Variants in CACNA1D observed in about 807,000 individuals in gnomAD.
CACNA1D encodes the protein voltage-dependent L-type calcium channel subunit alpha-1D.
Under a neutral mutation model 257.1 loss-of-function variants are expected in CACNA1D, and 55 were observed. The ratio of observed to expected loss-of-function variants is 0.21; its 90% CI spans 0.17 to 0.27. The LOEUF (loss-of-function observed/expected upper bound fraction) is 0.27, where lower values mean the gene tolerates loss of function less well. Ranked by LOEUF, CACNA1D falls within the 10% of genes least tolerant of loss-of-function variation. The probability of loss-of-function intolerance (pLI) is 1.00; values close to 1 mark genes in which losing one functional copy is unlikely to be tolerated. For synonymous variants in CACNA1D, 980 were observed against 1,014.9 expected, an observed-to-expected ratio of 0.97 and a Z score of 0.65; for missense variants, 1,876 against 2,784.0, an observed-to-expected ratio of 0.67 and a Z score of 7.34.
rs1412107314 is a variant in CACNA1D at position 53,812,216 on chromosome 3, G to GTAAT, written c.*813_*816dup. The stretch of plus-strand genomic sequence containing the variant: ...TTTGTAAAGAGATGGTCTATATTTT[G>GTAAT]TAATTACTGTATTGTATTTGAACTG... On this transcript the variant is annotated 3_prime_UTR_variant, in exon 48 of 48. Transcript: ENST00000350061. 1 of 152,136 alleles carries GTAAT rather than the reference G, an allele frequency of 6.6e-6. No individual in the cohort carries two copies. The highest frequency in any genetic ancestry group is 2.4e-5 in the African/African-American group (1 of 41,422). 9.4% of individuals were successfully genotyped at this position (152,136 alleles called of 1,614,324 possible). A position where few individuals can be genotyped will look rare whatever the true frequency, so the allele number is the denominator to read the frequency against.
Position 53,781,572 on chromosome 3 carries a change from T to C in CACNA1D, c.4697T>C (p.Leu1566Pro), listed in dbSNP as rs2095425594. The change falls in exon 39 of 48, where the codon CTG becomes CCG. Residue 1566 changes from leucine to proline, a missense_variant. Coordinates refer to ENST00000350061, the MANE Select transcript of CACNA1D (RefSeq NM_001128840.3). ...TALKIKTEGN[L>P]EQANEELRAV... The stretch of plus-strand genomic sequence containing the variant: ...TTTTGTTTTTTGAATCCAGGGAACC[T>C]GGAGCAAGCTAATGAAGAACTTCGG... 1.9e-6 allele frequency: 3 copies of C among 1,611,952 alleles called. No homozygotes were observed. Among genetic ancestry groups the C allele is most frequent in the African/African-American group, 1.3e-5 (1 of 74,884 alleles).
intron 40 of CACNA1D, among the ~76,000 whole-genome samples, chr3:53,790,239 T>A (rs901664096): frequency 6.6e-5 from 10 of 152,204 alleles, no homozygotes; most frequent in African/African-American, 2.4e-4. Context: ...CATGCAGCCA[T>A]GAAAATTCTC....
rs1486382310 is a variant in CACNA1D, at chr3:53,800,225, G to A, written c.4924-24G>A. The A allele has an allele frequency of 6.5e-7, 1 of 1,541,652 alleles. No individual in the cohort carries two copies. Among genetic ancestry groups the A allele is most frequent in the Admixed American group, 1.7e-5 (1 of 59,924 alleles). ...CCAGGGCCCATGTGTGGTCTAACCTGTTCTGCCATTTTCATTGATCTAGGC... is the reference window on the plus strand; with the variant it reads ...CCAGGGCCCATGTGTGGTCTAACCTATTCTGCCATTTTCATTGATCTAGGC... On this transcript the variant is annotated intron_variant, in intron 40 of 47. Transcript: ENST00000350061. The surrounding 1 kb of genome is among the most constrained non-coding windows in gnomAD (Gnocchi z 4.3).
chr3:53,564,540 G>C lies in CACNA1D; in HGVS notation c.483+62820G>C, dbSNP rs944127152. 2.0e-5 allele frequency among the ~76,000 whole-genome samples: 3 copies of C among 152,034 alleles called. No individual in the cohort carries two copies. In the South Asian group the frequency reaches 6.2e-4, roughly 32 times the overall value. ...TAGAAATGTTTTTTCCTTCTTTGTG[G>C]CTTGTCCTTTTGATCTCTTTTTGGT... is the stretch of plus-strand genomic sequence containing the variant. On this transcript the variant is annotated intron_variant, in intron 3 of 47. Transcript: ENST00000350061.
chr3:53,579,044 C>T (rs560128227), intron 3 of CACNA1D, among the ~76,000 whole-genome samples: 162 of 152,198 alleles, frequency 1.1e-3, no homozygotes, highest in African/African-American at 3.3e-3. Flanking sequence ...GAGCAGCAGG[C>T]GGAGGAGGAG....
chr3:53,759,594 G>A lies in CACNA1D; in HGVS notation c.3787-2404G>A, dbSNP rs189758865. Among the ~76,000 whole-genome samples, 748 of 152,336 alleles carry A rather than the reference G, an allele frequency of 4.9e-3. 12 individuals are homozygous for A. The highest frequency in any genetic ancestry group is 6.2e-3 in the Non-Finnish European group (425 of 68,018). On this transcript the variant is annotated intron_variant, in intron 29 of 47. Coordinates refer to ENST00000350061, the MANE Select transcript of CACNA1D (RefSeq NM_001128840.3). ...ATCAAGGTGTAAATTCCTTCCTAGA[G>A]GGGAGGGGAAGGATCACTGTGCTTT...
chr3:53,773,019 T>G (rs1190876980), intron 33 of CACNA1D, 121 bp downstream of exon 33: 1 of 852,018 alleles, frequency 1.2e-6, no homozygotes, highest in Non-Finnish European at 2.0e-6. Context: ...ATGCCTCTGC[T>G]GAAGCCTAGG....
intron 3 of CACNA1D, among the ~76,000 whole-genome samples, chr3:53,598,943 G>T (rs2093406692): frequency 6.6e-6 from 1 of 152,016 alleles, no homozygotes; most frequent in African/African-American, 2.4e-5. Context: ...TTGAGGTCAT[G>T]AGCAAATTAA....
At chr3:53,567,636 A>C (rs1433364579) in intron 3 of CACNA1D, among the ~76,000 whole-genome samples, 1 of 152,256 alleles carries the variant, frequency 6.6e-6, no homozygotes, top group East Asian at 1.9e-4. Flanking sequence ...GATGAAGAGC[A>C]GACAACATAG....
intron 3 of CACNA1D, among the ~76,000 whole-genome samples, chr3:53,636,460 C>T (rs1204497297): frequency 2.0e-5 from 3 of 152,078 alleles, no homozygotes; most frequent in South Asian, 2.1e-4. Flanking sequence ...TGCGCCACCA[C>T]GCCCGGCTAA....
rs1326615724 is a variant in CACNA1D, at chr3:53,770,540, T to G, written c.4032T>G (p.Ile1344Met). ...TCCGGACATTGCTGTGGACTTTTAT[T>G]AAGTCCTTTCAGGTAAGAGCCATGC... ...EGIRTLLWTF[I>M]KSFQALPYVA... Residue 1344 changes from isoleucine to methionine, a missense_variant, in exon 32 of 48, where the codon ATT (isoleucine) becomes ATG (methionine). Physicochemically the swap from Ile to Met is conservative, Grantham distance 10. Around this residue, in one of 10 missense-constraint regions of CACNA1D, gnomAD observed 204 missense variants for 309.4 expected, o/e 0.66. Coordinates refer to ENST00000350061, the MANE Select transcript of CACNA1D (RefSeq NM_001128840.3). 1.4e-5 allele frequency: 22 copies of G among 1,613,550 alleles called. No homozygotes were observed. Among genetic ancestry groups the G allele is most frequent in the Non-Finnish European group, 1.8e-5 (21 of 1,179,560 alleles).
At chr3:53,795,773 C>T (rs529073687) in intron 40 of CACNA1D, among the ~76,000 whole-genome samples, 13 of 152,274 alleles carry the variant, frequency 8.5e-5, no homozygotes, top group African/African-American at 2.6e-4. Flanking sequence ...GGAACTGAAA[C>T]GGAGAGCTCT....
chr3:53,742,901 A>T (rs1408189694), intron 21 of CACNA1D, 110 bp from the exon 22 acceptor site: 1 of 782,694 alleles, frequency 1.3e-6, no homozygotes, highest in Non-Finnish European at 2.3e-6. Context: ...CTGACTTCTT[A>T]ATGCACACTT....
intron 4 of CACNA1D, among the ~76,000 whole-genome samples, chr3:53,655,643 C>G (rs2094140986): frequency 6.6e-6 from 1 of 152,146 alleles, no homozygotes; most frequent in African/African-American, 2.4e-5. Context: ...CCTTTGCTGA[C>G]TTTTTAATGG....
In CACNA1D at chr3:53,698,901, A is replaced by G. The variant is rs2094596535; in HGVS notation, c.1221-3740A>G. On this transcript the variant is annotated intron_variant, in intron 8 of 47. Coordinates refer to ENST00000350061, the MANE Select transcript of CACNA1D (RefSeq NM_001128840.3). ...GGTTTGGAACAAGAAGACTCCTAGC[A>G]TATAACAGTTGTTGGATTTTTAGTC... is the stretch of plus-strand genomic sequence containing the variant. 2.6e-5 allele frequency among the ~76,000 whole-genome samples: 4 copies of G among 151,888 alleles called. No homozygotes were observed. In the South Asian group the frequency reaches 8.3e-4, roughly 31 times the overall value.
intron 19 of CACNA1D, among the ~76,000 whole-genome samples, chr3:53,733,590 G>A (rs1487546934): frequency 6.6e-6 from 1 of 152,180 alleles, no homozygotes; most frequent in Admixed American, 6.5e-5. Flanking sequence ...AAGGAACAGG[G>A]TAATGACTCA....
chr3:53,701,136 GTTATTA>G (rs200118929), intron 8 of CACNA1D, among the ~76,000 whole-genome samples: 1 of 149,024 alleles, frequency 6.7e-6, no homozygotes, highest in African/African-American at 2.5e-5. Flanking sequence ...TGTTGTTGTT[GTTATTA>G]TTATTATTAT....
intron 3 of CACNA1D, among the ~76,000 whole-genome samples, chr3:53,517,211 AGGCCC>A (rs1192599420): frequency 0.013 from 85 of 6,778 alleles, no homozygotes; most frequent in African/African-American, 0.059. Flanking sequence ...CCTCACTGCA[AGGCCC>A]TGAATCCTAA....
intron 3 of CACNA1D, among the ~76,000 whole-genome samples, chr3:53,600,821 C>A (rs1287168636): frequency 6.6e-6 from 1 of 152,124 alleles, no homozygotes; most frequent in Non-Finnish European, 1.5e-5. Context: ...AATACCTCCC[C>A]TCTTTGTTAG....
Sources: allele counts gnomAD v4.1 joint callset (sites outside exome capture counted in the v4.1 genomes callset), GRCh38; gene constraint gnomAD v4.1.1; regional missense constraint gnomAD v4.1.1; non-coding constraint Gnocchi (gnomAD v3.1); transcripts MANE v1.5; gene names NCBI Gene and HGNC (gene_info 2026-07-23, HGNC 2026-07-21).